Variants in MSH3 observed in about 807,000 individuals in gnomAD.
MSH3 encodes the protein DNA mismatch repair protein Msh3.
MSH3 carries 106 observed loss-of-function variants against 123.3 expected under a neutral mutation model. That is an observed-to-expected ratio of 0.86 (90% CI 0.73 to 1.01). The LOEUF is 1.01. Among genes scored for constraint, MSH3 ranks in the 50% least tolerant of loss-of-function variants. The probability of loss-of-function intolerance (pLI) is 0.00; values close to 1 mark genes in which losing one functional copy is unlikely to be tolerated. For synonymous variants in MSH3, 515 were observed against 481.4 expected, an observed-to-expected ratio of 1.07 and a Z score of -0.91; for missense variants, 1,459 against 1,347.6, an observed-to-expected ratio of 1.08 and a Z score of -1.29.
chr5:80,810,172 CAT>C lies in MSH3; in HGVS notation c.2656-3390_2656-3389del, dbSNP rs113702568. On this transcript the variant is annotated intron_variant, in intron 19 of 23. Coordinates refer to ENST00000265081, the MANE Select transcript of MSH3 (RefSeq NM_002439.5). ...GGTTTTTATTCTTTTGTTTGACATA[CAT>C]ATATATATATATATATATATAAACT... is the stretch of plus-strand genomic sequence containing the variant. Among the ~76,000 whole-genome samples, 796 of 121,540 alleles carry C rather than the reference CAT, an allele frequency of 6.5e-3. 13 individuals are homozygous for C. The highest frequency in any genetic ancestry group is 0.011 in the African/African-American group (345 of 31,034). 79.7% of individuals were successfully genotyped at this position (121,540 alleles called of 152,430 possible).
intron 8 of MSH3, among the ~76,000 whole-genome samples, chr5:80,694,758 G>A (rs1750430640): frequency 6.6e-6 from 1 of 152,038 alleles, no homozygotes; most frequent in South Asian, 2.1e-4. Context: ...ATTCTGGGTT[G>A]ACAATTATTT....
intron 20 of MSH3, among the ~76,000 whole-genome samples, chr5:80,831,880 G>A (rs545934781): frequency 5.9e-5 from 9 of 152,104 alleles, no homozygotes; most frequent in East Asian, 3.9e-4. Flanking sequence ...AGGCCGAGGC[G>A]GGTGGATCAC....
At chr5:80,794,823 G>A (rs6151857) in intron 19 of MSH3, among the ~76,000 whole-genome samples, 2 of 152,176 alleles carry the variant, frequency 1.3e-5, no homozygotes, top group African/African-American at 4.8e-5. Context: ...GAAGTTTATA[G>A]ATAGCTTAGA....
chr5:80,850,895 A>G (rs1396483585), intron 20 of MSH3, among the ~76,000 whole-genome samples: 2 of 152,146 alleles, frequency 1.3e-5, no homozygotes, highest in Non-Finnish European at 2.9e-5. Context: ...TGACTGGAAC[A>G]TTACTCGAGT....
chr5:80,656,447 G>C lies in MSH3; in HGVS notation c.274G>C (p.Glu92Gln). The change falls in exon 2 of 24, where the codon GAA becomes CAA. Residue 92 changes from glutamate (E) to glutamine (Q), a missense_variant. Coordinates refer to ENST00000265081, the MANE Select transcript of MSH3 (RefSeq NM_002439.5). The stretch of plus-strand genomic sequence containing the variant: ...TGACAGAAGAAAGAAGAGACCATTG[G>C]AAAATGATGGGCCTGTTAAAAAGAA... ...EIDRRKKRPL[E>Q]NDGPVKKKVK... 6.2e-7 allele frequency: 1 copy of C among 1,614,158 alleles called. No individual in the cohort carries two copies. The highest frequency in any genetic ancestry group is 2.2e-5 in the East Asian group (1 of 44,878).
At position 80,864,848 on chromosome 5, in the gene MSH3, G is replaced by A. The variant is rs190963296; in HGVS notation, c.3036G>A (p.Pro1012=). ...TAACCCTGTTTGTCACCCATTATCC[G>A]CCAGTTTGTGAACTAGAAAAAAATT... The part of the protein sequence containing the change: ...KSLTLFVTHY[P]PVCELEKNYS... The change falls in exon 22 of 24, where the codon CCG becomes CCA. Residue 1012 remains proline (P), a synonymous_variant. Transcript: ENST00000265081. 24 of 1,612,794 alleles carry A rather than the reference G, an allele frequency of 1.5e-5. No individual in the cohort carries two copies. The highest frequency in any genetic ancestry group is 1.7e-4 in the Middle Eastern group (1 of 6,058).
intron 18 of MSH3, among the ~76,000 whole-genome samples, chr5:80,792,193 AT>A (rs1744619537): frequency 6.6e-6 from 1 of 152,178 alleles, no homozygotes. Flanking sequence ...CTGAACTGTT[AT>A]CTTTACTAAT....
At chr5:80,672,684 A>G (rs1157860483) in intron 5 of MSH3, 57 bp from the exon 6 acceptor site, 1 of 1,334,464 alleles carries the variant, frequency 7.5e-7, no homozygotes, top group Non-Finnish European at 1.1e-6. Flanking sequence ...TTTCGAAATG[A>G]GTTTTTACAA....
At chr5:80,693,118 TATAG>T (rs1221309934) in intron 8 of MSH3, among the ~76,000 whole-genome samples, 11 of 109,222 alleles carry the variant, frequency 1.0e-4, no homozygotes, top group African/African-American at 1.6e-4. Flanking sequence ...TGTATGTTTA[TATAG>T]ATAAATATAC....
intron 8 of MSH3, among the ~76,000 whole-genome samples, chr5:80,715,630 G>A (rs1750944079): frequency 6.6e-6 from 1 of 152,008 alleles, no homozygotes; most frequent in East Asian, 1.9e-4. Context: ...AATTGGTTCA[G>A]GGTTCCATAG....
intron 14 of MSH3, 34 bp downstream of exon 14, chr5:80,768,154 C>A: frequency 6.4e-7 from 1 of 1,572,952 alleles, no homozygotes; most frequent in Non-Finnish European, 8.8e-7. Context: ...TCCTTTTCAC[C>A]AGTCAGTATA....
At chr5:80,676,270 A>G (rs1205545885) in intron 7 of MSH3, among the ~76,000 whole-genome samples, 1 of 152,060 alleles carries the variant, frequency 6.6e-6, no homozygotes, top group Admixed American at 6.5e-5. Context: ...ACCTCAGGTG[A>G]TCAGCCCACC....
At position 80,665,337 on chromosome 5, in the gene MSH3, G is replaced by T. The variant is rs746425286; in HGVS notation, c.553G>T (p.Asp185Tyr). Reference protein sequence around the residue: ...LHAKNAVSSEDSKRQINQKDT... With the variant: ...LHAKNAVSSEYSKRQINQKDT... The stretch of plus-strand genomic sequence containing the variant: ...CGCAAAGAATGCAGTTTCTTCTGAA[G>T]ATTCGAAACGTCAAATTAATCAAAA... Residue 185 changes from aspartate to tyrosine, a missense_variant, in exon 3 of 24, where the codon GAT becomes TAT. Coordinates refer to ENST00000265081, the MANE Select transcript of MSH3 (RefSeq NM_002439.5). 3.7e-6 allele frequency: 6 copies of T among 1,612,726 alleles called. No individual in the cohort carries two copies. The highest frequency in any genetic ancestry group is 5.1e-6 in the Non-Finnish European group (6 of 1,179,856).
At chr5:80,822,200 C>G (rs1179528444) in intron 20 of MSH3, among the ~76,000 whole-genome samples, 1 of 152,158 alleles carries the variant, frequency 6.6e-6, no homozygotes, top group East Asian at 1.9e-4. Context: ...CTTCTAGAAC[C>G]CTGAGAGAAG....
intron 23 of MSH3, among the ~76,000 whole-genome samples, chr5:80,873,917 C>T (rs1013650643): frequency 6.6e-6 from 1 of 152,094 alleles, no homozygotes; most frequent in Non-Finnish European, 1.5e-5. Flanking sequence ...AGAAAAATAT[C>T]ATATTAGTAA....
chr5:80,694,248 A>G (rs1314562850), intron 8 of MSH3, among the ~76,000 whole-genome samples: 1 of 152,178 alleles, frequency 6.6e-6, no homozygotes, highest in Non-Finnish European at 1.5e-5. Flanking sequence ...ATCTGAAAAG[A>G]TATCCTATAA....
intron 20 of MSH3, among the ~76,000 whole-genome samples, chr5:80,852,939 C>G (rs1298856811): frequency 1.3e-5 from 2 of 152,186 alleles, no homozygotes; most frequent in Non-Finnish European, 2.9e-5. Flanking sequence ...AAGTAGTTAC[C>G]AGCATTCACA....
At chr5:80,658,141 T>C (rs1749334128) in intron 2 of MSH3, among the ~76,000 whole-genome samples, 1 of 148,358 alleles carries the variant, frequency 6.7e-6, no homozygotes, top group Non-Finnish European at 1.5e-5. Context: ...CTCTGCTCAC[T>C]GTAACCTCCT....
chr5:80,824,797 A>G (rs925408664), intron 20 of MSH3, among the ~76,000 whole-genome samples: 20 of 152,010 alleles, frequency 1.3e-4, no homozygotes, highest in African/African-American at 4.8e-4. Flanking sequence ...TATGTGGGAG[A>G]CATATTTCTC....
Sources: allele counts gnomAD v4.1 joint callset (sites outside exome capture counted in the v4.1 genomes callset), GRCh38; gene constraint gnomAD v4.1.1; transcripts MANE v1.5; gene names NCBI Gene and HGNC (gene_info 2026-07-23, HGNC 2026-07-21).